MRO: variants seen among roughly 807,000 people sequenced by gnomAD.
MRO encodes protein maestro.
Under a neutral mutation model 31.0 loss-of-function variants are expected in MRO, and 28 were observed. The ratio of observed to expected loss-of-function variants is 0.90; its 90% confidence interval spans 0.67 to 1.24. MRO has a LOEUF of 1.24. Among genes scored for constraint, MRO ranks in the 50% most tolerant of loss-of-function variants. The pLI is 0.00. For synonymous variants in MRO, 108 were observed against 108.4 expected (o/e 1.00, Z 0.02); for missense variants, 332 against 289.2 (o/e 1.15, Z -1.07).
At chr18:50,808,929 A>G (rs28446711) in intron 3 of MRO, among the ~76,000 whole-genome samples, 73,804 of 149,842 alleles carry the variant, frequency 0.49, 18,429 homozygotes, top group Middle Eastern at 0.63. Context: ...TGAGGTCAGG[A>G]GATCGAGACC....
At chr18:50,799,550 T>C (rs910043664) in intron 7 of MRO, among the ~76,000 whole-genome samples, 160 bp from the exon 8 acceptor site, 1 of 152,202 alleles carries the variant, frequency 6.6e-6, no homozygotes, top group African/African-American at 2.4e-5. Context: ...ACTGCCGATA[T>C]ATCTCGTGCT....
At chr18:50,815,306 G>T in intron 2 of MRO, 1 of 273,444 alleles carries the variant, frequency 3.7e-6, no homozygotes, top group South Asian at 4.8e-5. Context: ...AGGAAACTTT[G>T]GAGGTGGTGG....
chr18:50,806,268 C>T (rs1358726935), intron 4 of MRO, among the ~76,000 whole-genome samples: 2 of 152,060 alleles, frequency 1.3e-5, no homozygotes, highest in East Asian at 1.9e-4. Context: ...CAGGAGGAGG[C>T]GACACCCTCC....
chr18:50,799,267 G>C lies in MRO; in HGVS notation c.*70C>G, dbSNP rs1411089239. 1.2e-5 allele frequency: 16 copies of C among 1,345,682 alleles called. No individual in the cohort carries two copies. Among genetic ancestry groups the C allele is most frequent in the Non-Finnish European group, 1.6e-5 (15 of 936,392 alleles). 83.4% of individuals were successfully genotyped at this position (1,345,682 alleles called of 1,614,324 possible). ...CAAGCAGTGAGAAGAGGCATCCAGT[G>C]AGATAAAACAGGGGAACATGATGGC... On this transcript the variant is annotated 3_prime_UTR_variant, in exon 8 of 8. Transcript: ENST00000398439.
chr18:50,802,916 A>AGTGTGTGTGTGTGTGTAGTGT (rs1182142126), intron 5 of MRO, among the ~76,000 whole-genome samples: 5 of 144,606 alleles, frequency 3.5e-5, no homozygotes, highest in African/African-American at 1.1e-4. Context: ...GTGTGTGTGT[A>AGTGTGTGTGTGTGTGTAGTGT]GTGTGTGTGT....
chr18:50,807,318 G>A (rs192025091), intron 3 of MRO, among the ~76,000 whole-genome samples: 166 of 152,102 alleles, frequency 1.1e-3, no homozygotes, highest in Admixed American at 1.4e-3. Flanking sequence ...GTTTTCTCCC[G>A]TTTGTCTCCT....
chr18:50,824,059 A>T (rs150903558), upstream of MRO: 1 of 152,324 alleles, frequency 6.6e-6, no homozygotes, highest in Non-Finnish European at 1.5e-5. Flanking sequence ...CAGAAGAGAT[A>T]TTTACACACA....
intron 3 of MRO, among the ~76,000 whole-genome samples, 144 bp downstream of exon 3, chr18:50,809,144 CAAAAAAAAAAAAAA>C (rs61728184): frequency 4.0e-5 from 4 of 99,096 alleles, no homozygotes; most frequent in Admixed American, 1.0e-4. Context: ...GACTCCGTCT[CAAAAAAAAAAAAAA>C]AAAAAAAAAA....
chr18:50,802,711 T>TC (rs1491492624), intron 5 of MRO, among the ~76,000 whole-genome samples: 41 of 141,476 alleles, frequency 2.9e-4, no homozygotes, highest in South Asian at 6.7e-4. Flanking sequence ...AGGGTTTTTG[T>TC]TTTTTTTTGT....
intron 2 of MRO, chr18:50,815,286 C>T (rs1914811480): frequency 3.8e-6 from 1 of 261,200 alleles, no homozygotes; most frequent in South Asian, 5.3e-5. Flanking sequence ...GGCAACTTGG[C>T]TGGTCATGGA....
At chr18:50,802,348 G>A (rs751595147) in intron 5 of MRO, among the ~76,000 whole-genome samples, 20 of 152,058 alleles carry the variant, frequency 1.3e-4, no homozygotes, top group Admixed American at 3.3e-4. Flanking sequence ...AGTGGACTCC[G>A]CCCTCTCTTT....
At chr18:50,801,856 C>G (rs745601351) in intron 5 of MRO, among the ~76,000 whole-genome samples, 6 of 152,078 alleles carry the variant, frequency 3.9e-5, no homozygotes, top group Non-Finnish European at 7.4e-5. Context: ...TCCCAAAATT[C>G]AAAATAACCA....
intron 2 of MRO, among the ~76,000 whole-genome samples, chr18:50,813,460 C>T (rs896443271): frequency 4.6e-5 from 7 of 152,176 alleles, no homozygotes; most frequent in African/African-American, 1.2e-4. Context: ...CAGAATCACC[C>T]GGAAGACTTG....
At chr18:50,803,666 A>G (rs1174878007) in intron 5 of MRO, among the ~76,000 whole-genome samples, 2 of 152,190 alleles carry the variant, frequency 1.3e-5, no homozygotes, top group African/African-American at 2.4e-5. Flanking sequence ...ACTGGCTTAC[A>G]TTCAAGAGCA....
rs575654706 is a variant in MRO at position 50,815,366 on chromosome 18, G to C, written c.-5+4215C>G. The C allele has an allele frequency of 5.4e-4, 141 of 260,214 alleles. 6 individuals are homozygous for C. The highest frequency in any genetic ancestry group is 1.9e-4 in the Non-Finnish European group (24 of 128,294). 16.1% of individuals were successfully genotyped at this position (260,214 alleles called of 1,614,324 possible). On this transcript the variant is annotated intron_variant, in intron 2 of 7. Transcript: ENST00000398439. ...CTTTGGTGGAAAGGAGGCTATGGTG[G>C]TGAAGGTGATGGTAGCAGAGACAGT...
upstream of MRO, chr18:50,823,517 G>A (rs2144691007): frequency 6.6e-6 from 1 of 152,284 alleles, no homozygotes; most frequent in East Asian, 1.9e-4. Context: ...GTTGGTACCA[G>A]AATGCAAGAA....
chr18:50,824,018 C>T (rs117177201), upstream of MRO: 3,137 of 152,466 alleles, frequency 0.021, 46 homozygotes, highest in Non-Finnish European at 0.034. Context: ...GGAGATGATC[C>T]TCGCTGAAAA....
At chr18:50,814,601 T>C (rs567832309) in intron 2 of MRO, 12 of 213,312 alleles carry the variant, frequency 5.6e-5, no homozygotes, top group African/African-American at 2.1e-4. Flanking sequence ...CCACATAAGG[T>C]TGATGGGCAT....
chr18:50,820,948 C>A (rs868519671), upstream of MRO, among the ~76,000 whole-genome samples: 10 of 152,290 alleles, frequency 6.6e-5, no homozygotes, highest in Middle Eastern at 3.4e-3. Context: ...GGCTAAAACA[C>A]CACCCTCTTC....
Sources: allele counts gnomAD v4.1 joint callset (sites outside exome capture counted in the v4.1 genomes callset), GRCh38; gene constraint gnomAD v4.1.1; transcripts MANE v1.5; gene names NCBI Gene and HGNC (gene_info 2026-07-23, HGNC 2026-07-21).